The following PLA2R1 variants were observed in gnomAD, a reference collection of about 807,000 sequenced individuals.
PLA2R1 encodes secretory phospholipase A2 receptor.
In PLA2R1, 158 loss-of-function variants were observed where a neutral mutation model predicts 195.9. That is an observed-to-expected ratio of 0.81 (90% CI 0.71 to 0.92). The LOEUF is 0.92. Among genes scored for constraint, PLA2R1 ranks in the 40% least tolerant of loss-of-function variants. The pLI, the probability that PLA2R1 is intolerant of heterozygous loss-of-function variation, is 0.00. For synonymous variants in PLA2R1, 586 were observed against 598.2 expected, an observed-to-expected ratio of 0.98 and a Z score of 0.30; for missense variants, 1,626 against 1,764.6, an observed-to-expected ratio of 0.92 and a Z score of 1.41.
rs893083780 is a variant in PLA2R1 at position 159,941,543 on chromosome 2, T to C, written c.*235A>G. On this transcript the variant is annotated 3_prime_UTR_variant, in exon 30 of 30. Coordinates refer to ENST00000283243, the MANE Select transcript of PLA2R1 (RefSeq NM_007366.5). Reference sequence around the variant, plus strand: ...TAATAGTTCTTGTCTTTCTGAAAAATAACCAATGCATAATTTACCCCTTTT... The same window carrying C: ...TAATAGTTCTTGTCTTTCTGAAAAACAACCAATGCATAATTTACCCCTTTT... The C allele has an allele frequency of 7.7e-4, 257 of 335,812 alleles. No homozygotes were observed. Among genetic ancestry groups the C allele is most frequent in the Non-Finnish European group, 3.8e-4 (70 of 184,846 alleles). 20.8% of individuals were successfully genotyped at this position (335,812 alleles called of 1,614,324 possible).
At chr2:159,960,067 G>C (rs938410307) in intron 20 of PLA2R1, among the ~76,000 whole-genome samples, 1 of 152,132 alleles carries the variant, frequency 6.6e-6, no homozygotes. Flanking sequence ...TCTTAGGATA[G>C]AGGCCAGAAG....
chr2:159,948,406 A>AT lies in PLA2R1; in HGVS notation c.3710-848dup, dbSNP rs1053050325. Among the ~76,000 whole-genome samples the AT allele has an allele frequency of 5.1e-3, 730 of 143,636 alleles. 1 individual carries two copies. The highest frequency in any genetic ancestry group is 9.9e-3 in the African/African-American group (385 of 39,058). The allele number at this position is 143,636 out of a possible 152,430, so 94.2% of individuals were successfully genotyped here. A position where few individuals can be genotyped will look rare whatever the true frequency, so the allele number is the denominator to read the frequency against. ...CGTACCACCAAGCCCAGATAATTGA[A>AT]TTTTTTTTTTTTTTTAACGAGTCTC... On this transcript the variant is annotated intron_variant, in intron 25 of 29. Coordinates refer to ENST00000283243, the MANE Select transcript of PLA2R1 (RefSeq NM_007366.5).
intron 6 of PLA2R1, among the ~76,000 whole-genome samples, chr2:160,023,320 A>G (rs1693263933): frequency 6.6e-6 from 1 of 152,186 alleles, no homozygotes; most frequent in South Asian, 2.1e-4. Context: ...AGCTGCAGTA[A>G]AGAAGCTGGC....
In PLA2R1 at chr2:159,951,436, T is replaced by A. The variant is rs1437521231; in HGVS notation, c.3444A>T (p.Gln1148His). The change falls in exon 24 of 30, where the codon CAA becomes CAT. Residue 1148 changes from glutamine to histidine, a missense_variant. Physicochemically the swap from Gln to His is conservative, Grantham distance 24 (BLOSUM62 0). Transcript: ENST00000283243. ...AIKTCLMHKA[Q>H]LVSITDQYHQ... ...GATACTGGTCTGTGATGCTGACCAGTTGTGCTTTGTGCATCAGGCAGGTTT... is the reference window on the plus strand; with the variant it reads ...GATACTGGTCTGTGATGCTGACCAGATGTGCTTTGTGCATCAGGCAGGTTT... 1 of 1,613,772 alleles carries A rather than the reference T, an allele frequency of 6.2e-7. No homozygotes were observed. Among genetic ancestry groups the A allele is most frequent in the Non-Finnish European group, 8.5e-7 (1 of 1,179,650 alleles).
chr2:160,037,908 C>T (rs1024632033), intron 3 of PLA2R1, among the ~76,000 whole-genome samples: 1 of 152,184 alleles, frequency 6.6e-6, no homozygotes, highest in Non-Finnish European at 1.5e-5. Context: ...GGGTATTATA[C>T]TTGAATGTGA....
chr2:160,041,607 C>T (rs949856682), intron 3 of PLA2R1, among the ~76,000 whole-genome samples: 4 of 149,948 alleles, frequency 2.7e-5, no homozygotes, highest in African/African-American at 4.8e-5. Flanking sequence ...TGACAATGGG[C>T]GAGACAAGCA....
At chr2:160,000,512 C>T (rs1056475035) in intron 11 of PLA2R1, among the ~76,000 whole-genome samples, 5 of 152,096 alleles carry the variant, frequency 3.3e-5, no homozygotes, top group Non-Finnish European at 4.4e-5. Context: ...GGTGAGAGAA[C>T]TCCCATAAAT....
rs56329076 is a variant in PLA2R1, at chr2:159,948,642, CAA to C, written c.3709+964_3709+965del. On this transcript the variant is annotated intron_variant, in intron 25 of 29. Transcript: ENST00000283243. ...GATTCCAAGAAAAGGCAAGTGCTAA[CAA>C]AAAAAAAAAAAAAAAAAAGGAGAAA... Among the ~76,000 whole-genome samples the C allele has an allele frequency of 0.017, 1,623 of 95,832 alleles. 69 individuals are homozygous for C. The East Asian group carries it at 0.28, about 17-fold the overall frequency. 62.9% of individuals were successfully genotyped at this position (95,832 alleles called of 152,430 possible).
chr2:160,062,157 T>G (rs1574005092), intron 1 of PLA2R1, 138 bp downstream of exon 1: 2 of 616,630 alleles, frequency 3.2e-6, no homozygotes, highest in South Asian at 4.3e-5. Context: ...TCAGGACTGC[T>G]GACACACGAA....
In PLA2R1 at chr2:159,941,706, G is replaced by T. The variant is rs947305059; in HGVS notation, c.*72C>A. ...TCTAATGGCATCTGTGCTGTAAAGG[G>T]AAAGACAGATGAGACTCCTGTTTAG... On this transcript the variant is annotated 3_prime_UTR_variant, in exon 30 of 30. Coordinates refer to ENST00000283243, the MANE Select transcript of PLA2R1 (RefSeq NM_007366.5). 15 of 776,414 alleles carry T rather than the reference G, an allele frequency of 1.9e-5. No homozygotes were observed. In the African/African-American group the frequency reaches 2.4e-4, roughly 12 times the overall value. The allele number at this position is 776,414 out of a possible 1,614,324, so 48.1% of individuals were successfully genotyped here.
intron 11 of PLA2R1, among the ~76,000 whole-genome samples, chr2:160,001,987 G>C (rs1468453995): frequency 2.0e-5 from 3 of 151,000 alleles, no homozygotes; most frequent in African/African-American, 7.3e-5. Context: ...ATTTCAGGTA[G>C]CAAAAGCAGA....
Position 159,956,562 on chromosome 2 carries a change from G to C in PLA2R1, c.2970C>G (p.Phe990Leu). ...CCAGGGTCCCCCCTTCTTCAGCACA[G>C]AAATGTTGAGCATGCGTCCAGTTCT... ...SWKNWTHAQHFCAEEGGTLVA... is the reference protein window; with the variant it reads ...SWKNWTHAQHLCAEEGGTLVA... The change falls in exon 21 of 30, where the codon TTC becomes TTG. Residue 990 changes from phenylalanine to leucine, a missense_variant. Transcript: ENST00000283243. 2 of 1,613,864 alleles carry C rather than the reference G, an allele frequency of 1.2e-6. No homozygotes were observed. The highest frequency in any genetic ancestry group is 2.2e-5 in the South Asian group (2 of 91,084).
At position 159,951,506 on chromosome 2, in the gene PLA2R1, G is replaced by A; in HGVS notation, c.3374C>T (p.Thr1125Ile). The A allele has an allele frequency of 6.2e-7, 1 of 1,609,608 alleles. No homozygotes were observed. The highest frequency in any genetic ancestry group is 8.5e-7 in the Non-Finnish European group (1 of 1,175,794). ...CATATTTGCATTAATTATTTTGTAA[G>A]TTCTGTTTCCATATTCTAAGGTATT... ...MPNTLEYGNR[T>I]YKIINANMTW... is the part of the protein sequence containing the mutation. Residue 1125 changes from threonine to isoleucine, a missense_variant, in exon 24 of 30, where the codon ACT (threonine) becomes ATT (isoleucine). Thr to Ile is a moderately conservative substitution (Grantham distance 89, BLOSUM62 -1). Coordinates refer to ENST00000283243, the MANE Select transcript of PLA2R1 (RefSeq NM_007366.5).
intron 1 of PLA2R1, among the ~76,000 whole-genome samples, chr2:160,055,965 C>T (rs1282775517): frequency 6.6e-6 from 1 of 152,086 alleles, no homozygotes; most frequent in African/African-American, 2.4e-5. Flanking sequence ...GGCAGCTACC[C>T]CCCTTCCTCG....
At chr2:159,974,308 A>G (rs934944807) in intron 17 of PLA2R1, among the ~76,000 whole-genome samples, 1 of 152,132 alleles carries the variant, frequency 6.6e-6, no homozygotes, top group East Asian at 1.9e-4. Flanking sequence ...TCCAAATTCC[A>G]CCACTTAGCT....
rs781752211 is a variant in PLA2R1 at position 159,984,035 on chromosome 2, C to A, written c.2076G>T (p.Trp692Cys). ...CTTCGCAAAATGCTTCAGCTTCTCT[C>A]CATGTTCTTTTCATCAGAACTTTTT... Reference protein sequence around the residue: ...HSEKVLMKRTWREAEAFCEEF... With the variant: ...HSEKVLMKRTCREAEAFCEEF... The change falls in exon 13 of 30, where the codon TGG (tryptophan) becomes TGT (cysteine). Residue 692 changes from tryptophan to cysteine, a missense_variant. By Grantham distance (215) the Trp-to-Cys change is radical. Coordinates refer to ENST00000283243, the MANE Select transcript of PLA2R1 (RefSeq NM_007366.5). 2 of 1,584,812 alleles carry A rather than the reference C, an allele frequency of 1.3e-6. No individual in the cohort carries two copies. Among genetic ancestry groups the A allele is most frequent in the South Asian group, 2.2e-5 (2 of 89,568 alleles).
intron 14 of PLA2R1, among the ~76,000 whole-genome samples, chr2:159,978,855 T>C (rs1348067686): frequency 6.6e-6 from 1 of 152,206 alleles, no homozygotes; most frequent in Non-Finnish European, 1.5e-5. Context: ...TATTGTTCTT[T>C]ACTACTTCAA....
At chr2:160,010,958 GCAGCACAC>G (rs1692318965) in intron 10 of PLA2R1, among the ~76,000 whole-genome samples, 1 of 152,162 alleles carries the variant, frequency 6.6e-6, no homozygotes, top group Non-Finnish European at 1.5e-5. Flanking sequence ...GGGTGACCAG[GCAGCACAC>G]CAGCACAGGG....
chr2:159,969,731 G>A (rs1258057002), intron 18 of PLA2R1, among the ~76,000 whole-genome samples: 2 of 151,978 alleles, frequency 1.3e-5, no homozygotes, highest in African/African-American at 4.8e-5. Context: ...TTAGTAGAGA[G>A]AGAGTTTCTC....
Sources: allele counts gnomAD v4.1 joint callset (sites outside exome capture counted in the v4.1 genomes callset), GRCh38; gene constraint gnomAD v4.1.1; transcripts MANE v1.5; gene names NCBI Gene and HGNC (gene_info 2026-07-23, HGNC 2026-07-21).